The following ZNF385D variants were observed in gnomAD, a reference collection of about 807,000 sequenced individuals.
ZNF385D encodes zinc finger protein 659.
A neutral mutation model predicts 35.8 loss-of-function variants in ZNF385D; 15 were observed. The ratio of observed to expected loss-of-function variants is 0.42; its 90% CI spans 0.28 to 0.64. ZNF385D has a LOEUF of 0.64. Ranked by LOEUF, ZNF385D falls within the 30% of genes least tolerant of loss-of-function variation. ZNF385D has a pLI of 0.23. For synonymous variants in ZNF385D, 212 were observed against 186.8 expected, an observed-to-expected ratio of 1.13 and a Z score of -1.10; for missense variants, 474 against 494.6, an observed-to-expected ratio of 0.96 and a Z score of 0.39.
chr3:21,929,640 A>G (rs1700905567), intron 3 of ZNF385D, among the ~76,000 whole-genome samples: 1 of 152,102 alleles, frequency 6.6e-6, no homozygotes, highest in African/African-American at 2.4e-5. Context: ...TAAAAAATCA[A>G]TTGTATTTTT....
Position 21,759,567 on chromosome 3 carries a change from T to C in ZNF385D, c.326-94539A>G, listed in dbSNP as rs549061131. ...TATAATAATATGCCTCCAAAGACAT[T>C]TGGTGACACAATAACATGAGTTAAT... On this transcript the variant is annotated intron_variant, in intron 3 of 5. Coordinates refer to the ZNF385D transcript ENST00000494108. Among the ~76,000 whole-genome samples the C allele has an allele frequency of 1.4e-4, 21 of 152,214 alleles. No individual in the cohort carries two copies. In the South Asian group the frequency reaches 4.1e-3, roughly 30 times the overall value.
intron 3 of ZNF385D, among the ~76,000 whole-genome samples, chr3:21,856,728 C>G (rs1696734628): frequency 2.0e-5 from 3 of 152,032 alleles, no homozygotes. Flanking sequence ...ACTAGTTGAC[C>G]TGATTTTTCT....
rs560277043 is a variant in ZNF385D, at chr3:21,941,520, T to C, written c.325+227297A>G. On this transcript the variant is annotated intron_variant, in intron 3 of 5. Coordinates refer to the ZNF385D transcript ENST00000494108. ...TTTTTTTTTTTTTTTTTTTTTGAGA[T>C]GGAGTCTCACTCTGTCCCGCAGGCT... Among the ~76,000 whole-genome samples, 5 of 115,494 alleles carry C rather than the reference T, an allele frequency of 4.3e-5. No homozygotes were observed. In the South Asian group the frequency reaches 8.6e-4, roughly 20 times the overall value. The allele number at this position is 115,494 out of a possible 152,430, so 75.8% of individuals were successfully genotyped here. A position where few individuals can be genotyped will look rare whatever the true frequency, so the allele number is the denominator to read the frequency against.
chr3:22,309,815 T>A (rs1330003908), intron 2 of ZNF385D, among the ~76,000 whole-genome samples: 2 of 151,992 alleles, frequency 1.3e-5, no homozygotes, highest in African/African-American at 4.8e-5. Flanking sequence ...TTAAGTATTT[T>A]CACATTCAGA....
At chr3:21,732,157 C>T (rs927029705) in intron 1 of ZNF385D, among the ~76,000 whole-genome samples, 3 of 147,844 alleles carry the variant, frequency 2.0e-5, no homozygotes, top group Non-Finnish European at 3.0e-5. Context: ...TCAAGTGATT[C>T]TCCTGCCTCA....
chr3:21,566,411 A>G (rs1433554916), intron 2 of ZNF385D, among the ~76,000 whole-genome samples: 1 of 152,054 alleles, frequency 6.6e-6, no homozygotes, highest in Non-Finnish European at 1.5e-5. Context: ...GGATCTCTTG[A>G]GGTCAGGAGT....
intron 3 of ZNF385D, among the ~76,000 whole-genome samples, chr3:22,135,721 T>C (rs1000645953): frequency 6.6e-6 from 1 of 152,184 alleles, no homozygotes; most frequent in Non-Finnish European, 1.5e-5. Context: ...AATTACCCAC[T>C]GTTAAGACTT....
chr3:22,299,908 A>G (rs545955245), intron 2 of ZNF385D, among the ~76,000 whole-genome samples: 2 of 152,120 alleles, frequency 1.3e-5, no homozygotes, highest in South Asian at 4.1e-4. Context: ...CTACAAATTT[A>G]ATGCAATACT....
chr3:22,137,718 G>T (rs539724123), intron 3 of ZNF385D, among the ~76,000 whole-genome samples: 139 of 152,234 alleles, frequency 9.1e-4, no homozygotes, highest in African/African-American at 3.2e-3. Flanking sequence ...ATATCATACT[G>T]AATGGACAAA....
intron 3 of ZNF385D, among the ~76,000 whole-genome samples, chr3:21,774,829 G>A (rs1389754233): frequency 6.6e-6 from 1 of 151,820 alleles, no homozygotes; most frequent in African/African-American, 2.4e-5. Context: ...TAACAAATTT[G>A]GATATGATGT....
intron 3 of ZNF385D, among the ~76,000 whole-genome samples, chr3:21,988,998 C>T (rs759721612): frequency 2.2e-4 from 33 of 152,256 alleles, no homozygotes; most frequent in African/African-American, 7.2e-4. Context: ...GGCAATGCCT[C>T]GCCCTGCTTC....
chr3:21,546,094 G>A (rs1036081662), intron 3 of ZNF385D, among the ~76,000 whole-genome samples: 3 of 151,938 alleles, frequency 2.0e-5, no homozygotes, highest in African/African-American at 7.3e-5. Context: ...ATTGAGGACT[G>A]GAAGGAGAAA....
At chr3:22,067,596 TAC>T (rs1299076421) in intron 3 of ZNF385D, among the ~76,000 whole-genome samples, 1 of 152,218 alleles carries the variant, frequency 6.6e-6, no homozygotes, top group Non-Finnish European at 1.5e-5. Flanking sequence ...TCAGAGGTGG[TAC>T]ACTTCAATGT....
At chr3:22,328,102 C>G (rs1442531327) in intron 2 of ZNF385D, among the ~76,000 whole-genome samples, 3 of 152,046 alleles carry the variant, frequency 2.0e-5, no homozygotes, top group Non-Finnish European at 4.4e-5. Flanking sequence ...TGATTTCTGA[C>G]TTTTAATCAG....
chr3:21,725,589 T>C (rs897975669), intron 1 of ZNF385D, among the ~76,000 whole-genome samples: 23 of 152,094 alleles, frequency 1.5e-4, no homozygotes, highest in Non-Finnish European at 3.4e-4. Flanking sequence ...CTAGAATAAA[T>C]GGATAAATTC....
intron 3 of ZNF385D, among the ~76,000 whole-genome samples, chr3:21,873,162 A>G (rs1457058294): frequency 2.0e-5 from 3 of 152,182 alleles, no homozygotes; most frequent in Non-Finnish European, 4.4e-5. Flanking sequence ...AGATGATGGA[A>G]AGATAAAGCT....
Position 21,539,906 on chromosome 3 carries a change from CT to C in ZNF385D, c.276+24667del. On this transcript the variant is annotated intron_variant, in intron 3 of 7. Transcript: ENST00000281523. The surrounding 1 kb of genome is among the most constrained non-coding windows in gnomAD (Gnocchi z 4.0). ...TTTTAAAATATTTACTTCTCTATGT[CT>C]TTTTAAACCATGAAGATAGCTAGTT... Among the ~76,000 whole-genome samples the C allele has an allele frequency of 6.6e-6, 1 of 152,118 alleles. No individual in the cohort carries two copies. The highest frequency in any genetic ancestry group is 3.4e-3 in the Middle Eastern group (1 of 294).
chr3:21,837,888 T>G (rs1256398503), intron 3 of ZNF385D, among the ~76,000 whole-genome samples: 1 of 121,968 alleles, frequency 8.2e-6, no homozygotes, highest in Non-Finnish European at 1.8e-5. Flanking sequence ...AAAAAAAAAT[T>G]GGAGAAATAG....
At chr3:22,098,820 C>T (rs1459004030) in intron 3 of ZNF385D, among the ~76,000 whole-genome samples, 4 of 151,846 alleles carry the variant, frequency 2.6e-5, no homozygotes, top group African/African-American at 9.7e-5. Flanking sequence ...GTATCACATA[C>T]AGTGATACTG....
Sources: allele counts gnomAD v4.1 joint callset (sites outside exome capture counted in the v4.1 genomes callset), GRCh38; gene constraint gnomAD v4.1.1; non-coding constraint Gnocchi (gnomAD v3.1); transcripts MANE v1.5; gene names NCBI Gene and HGNC (gene_info 2026-07-23, HGNC 2026-07-21).